RIMS2: variants seen among roughly 807,000 people sequenced by gnomAD.
RIMS2 encodes regulating synaptic membrane exocytosis 2, also known as regulating synaptic membrane exocytosis protein 2.
In RIMS2, 59 loss-of-function variants were observed where a neutral mutation model predicts 174.4. That is an observed-to-expected ratio of 0.34 (90% CI 0.27 to 0.42). The LOEUF (loss-of-function observed/expected upper bound fraction) is 0.42, where lower values mean the gene tolerates loss of function less well. Ranked by LOEUF, RIMS2 falls within the 10% of genes least tolerant of loss-of-function variation. RIMS2 has a pLI of 1.00. For synonymous variants in RIMS2, 606 were observed against 572.5 expected (o/e 1.06, Z -0.84); for missense variants, 1,620 against 1,666.3 (o/e 0.97, Z 0.48).
At chr8:103,575,126 G>A (rs193103037) in intron 1 of RIMS2, among the ~76,000 whole-genome samples, 33 of 152,100 alleles carry the variant, frequency 2.2e-4, no homozygotes, top group Non-Finnish European at 3.8e-4. Context: ...TTAAAAAATA[G>A]GAAAGACACT....
At chr8:104,195,979 C>G (rs1189651063) in intron 19 of RIMS2, among the ~76,000 whole-genome samples, 1 of 152,044 alleles carries the variant, frequency 6.6e-6, no homozygotes, top group Non-Finnish European at 1.5e-5. Context: ...AAATGCTTAG[C>G]TCTTTAAATA....
intron 1 of RIMS2, among the ~76,000 whole-genome samples, chr8:103,679,245 A>G (rs1296867548): frequency 6.6e-6 from 1 of 151,940 alleles, no homozygotes; most frequent in Non-Finnish European, 1.5e-5. Flanking sequence ...GTCCTCATAA[A>G]TCTTATCTTA....
chr8:103,738,492 AC>A (rs1204251278), intron 2 of RIMS2, among the ~76,000 whole-genome samples: 1 of 152,208 alleles, frequency 6.6e-6, no homozygotes, highest in East Asian at 1.9e-4. Flanking sequence ...CACGTCTAAA[AC>A]ACCAAAAGCA....
chr8:103,575,049 C>T (rs1463725798), intron 1 of RIMS2, among the ~76,000 whole-genome samples: 1 of 152,148 alleles, frequency 6.6e-6, no homozygotes, highest in Non-Finnish European at 1.5e-5. Context: ...CCTAATTTAT[C>T]TGACAGTGGA....
chr8:103,500,792 C>T (rs1054242632), exon 1 of RIMS2: 2 of 685,214 alleles, frequency 2.9e-6, no homozygotes, highest in African/African-American at 1.9e-5. Context: ...TGTATTTGTC[C>T]CAGCGCTGGA....
chr8:103,782,744 T>C (rs1272667455), intron 3 of RIMS2, among the ~76,000 whole-genome samples: 1 of 152,158 alleles, frequency 6.6e-6, no homozygotes, highest in South Asian at 2.1e-4. Context: ...CATAAGTGAG[T>C]CAAACTGAGC....
chr8:103,921,831 GT>G, intron 10 of RIMS2, 47 bp downstream of exon 13: 1 of 739,110 alleles, frequency 1.4e-6, no homozygotes, highest in Non-Finnish European at 2.4e-6. Flanking sequence ...ATCAAATAGT[GT>G]TTTTAAAATA....
intron 19 of RIMS2, among the ~76,000 whole-genome samples, chr8:104,109,719 A>G (rs1453209687): frequency 1.3e-5 from 2 of 152,232 alleles, no homozygotes; most frequent in East Asian, 3.8e-4. Flanking sequence ...ACAATTCAGA[A>G]TAGGATAGAT....
chr8:104,247,911 G>A (rs2099345008), intron 20 of RIMS2, among the ~76,000 whole-genome samples: 1 of 152,172 alleles, frequency 6.6e-6, no homozygotes, highest in African/African-American at 2.4e-5. Flanking sequence ...AGGGAATTCA[G>A]ACATAGAAAA....
At chr8:104,210,304 A>T (rs750376184) in intron 19 of RIMS2, among the ~76,000 whole-genome samples, 8 of 152,220 alleles carry the variant, frequency 5.3e-5, no homozygotes, top group Non-Finnish European at 7.3e-5. Context: ...TTGACATCAT[A>T]GTAAGAATAA....
At chr8:103,506,023 C>A (rs961068142) in intron 1 of RIMS2, among the ~76,000 whole-genome samples, 3 of 151,942 alleles carry the variant, frequency 2.0e-5, no homozygotes, top group Admixed American at 6.6e-5. Flanking sequence ...AGTTTGTGAT[C>A]TTCTTAGAAT....
chr8:103,961,262 A>AT, intron 15 of RIMS2, 129 bp downstream of exon 17: 1 of 594,204 alleles, frequency 1.7e-6, no homozygotes, highest in Admixed American at 3.0e-5. Context: ...GCCTATGGCA[A>AT]CCTATGACAA....
At chr8:103,734,468 T>TA (rs2097658482) in intron 2 of RIMS2, among the ~76,000 whole-genome samples, 1 of 151,874 alleles carries the variant, frequency 6.6e-6, no homozygotes, top group African/African-American at 2.4e-5. Flanking sequence ...TTCTTTTTTT[T>TA]TTTTTAGCAC....
At chr8:104,010,372 A>G (rs1404750588) in intron 17 of RIMS2, among the ~76,000 whole-genome samples, 5 of 152,160 alleles carry the variant, frequency 3.3e-5, no homozygotes, top group African/African-American at 1.2e-4. Context: ...TCTTATGCAT[A>G]AAGATTGCTG....
chr8:103,540,845 T>C (rs997526155), intron 1 of RIMS2, among the ~76,000 whole-genome samples: 2 of 151,722 alleles, frequency 1.3e-5, no homozygotes, highest in African/African-American at 4.8e-5. Context: ...AAAGAAAATC[T>C]GGAGGAGAAA....
intron 19 of RIMS2, among the ~76,000 whole-genome samples, chr8:104,129,243 A>G (rs2098455193): frequency 1.3e-5 from 2 of 151,908 alleles, no homozygotes; most frequent in East Asian, 1.9e-4. Flanking sequence ...AAAAGTAGCC[A>G]CGTGTGGCAG....
rs879443481 is a variant in RIMS2 at position 103,986,653 on chromosome 8, A to C, written c.2928-2652A>C. Reference sequence around the variant, plus strand: ...GACACAAGAAGAAATGAAAGTTAAAATAACAACTAGTGTTCATGACCAGCC... The same window carrying C: ...GACACAAGAAGAAATGAAAGTTAAACTAACAACTAGTGTTCATGACCAGCC... On this transcript the variant is annotated intron_variant, in intron 16 of 23. Coordinates refer to ENST00000504942, the Ensembl canonical transcript of RIMS2. 1.4e-4 allele frequency among the ~76,000 whole-genome samples: 22 copies of C among 152,084 alleles called. 2 individuals are homozygous for C. Among genetic ancestry groups the C allele is most frequent in the Admixed American group, 1.2e-3 (18 of 15,262 alleles).
Position 103,526,526 on chromosome 8 carries a change from C to T in RIMS2, c.176+25464C>T, listed in dbSNP as rs75433178. Among the ~76,000 whole-genome samples, 135 of 152,220 alleles carry T rather than the reference C, an allele frequency of 8.9e-4. 1 individual carries two copies. Among genetic ancestry groups the T allele is most frequent in the African/African-American group, 2.9e-3 (119 of 41,554 alleles). ...AACAGGGGATTCAAATAATGGAGTTCTGTCATTGAATTTTAAAAAATGAAT... is the reference window on the plus strand; with the variant it reads ...AACAGGGGATTCAAATAATGGAGTTTTGTCATTGAATTTTAAAAAATGAAT... On this transcript the variant is annotated intron_variant, in intron 1 of 23. Transcript: ENST00000504942.
chr8:104,104,576 A>T (rs2097994656), intron 19 of RIMS2, among the ~76,000 whole-genome samples: 1 of 152,216 alleles, frequency 6.6e-6, no homozygotes, highest in Non-Finnish European at 1.5e-5. Context: ...TGATATAGTA[A>T]AAATAGGGTT....
Sources: gnomAD v4.1 joint callset for allele counts (sites outside exome capture counted in the v4.1 genomes callset) on GRCh38, gnomAD v4.1.1 for gene constraint, MANE v1.5 for transcripts, NCBI Gene and HGNC (gene_info 2026-07-23, HGNC 2026-07-21) for gene names.